Variants in TMEM114 observed in about 807,000 individuals in gnomAD.
TMEM114 encodes the protein claudin-26.
In TMEM114, 6 loss-of-function variants were observed where a neutral mutation model predicts 6.2. The ratio of observed to expected loss-of-function variants is 0.97; its 90% CI spans 0.53 to 1.91. TMEM114 has a LOEUF of 1.91. TMEM114 is among the 40% of genes most tolerant of loss of function. The pLI, the probability that TMEM114 is intolerant of heterozygous loss-of-function variation, is 0.01. For missense variants in TMEM114, 218 were observed against 158.3 expected, an observed-to-expected ratio of 1.38 and a Z score of -2.02; for synonymous variants, 104 against 73.0, an observed-to-expected ratio of 1.42 and a Z score of -2.16.
chr16:8,572,377 G>T, intron 2 of TMEM114, 153 bp from the exon 3 acceptor site: 1 of 800,834 alleles, frequency 1.2e-6, no homozygotes, highest in Non-Finnish European at 2.0e-6. Flanking sequence ...TGATGATGAT[G>T]ATGACCATGA....
chr16:8,537,265 C>T (rs778149042), downstream of TMEM114, among the ~76,000 whole-genome samples: 71 of 152,220 alleles, frequency 4.7e-4, no homozygotes, highest in Non-Finnish European at 7.2e-4. Context: ...CTTTGGGAGG[C>T]CAAGGCCGGC....
intron 2 of TMEM114, among the ~76,000 whole-genome samples, chr16:8,547,699 C>G (rs4786261): frequency 6.6e-6 from 1 of 152,092 alleles, no homozygotes; most frequent in African/African-American, 2.4e-5. Flanking sequence ...CCAGCACGCT[C>G]TCTTTACTGA....
intron 2 of TMEM114, among the ~76,000 whole-genome samples, chr16:8,553,309 C>G (rs1429539412): frequency 6.6e-6 from 1 of 152,142 alleles, no homozygotes; most frequent in Non-Finnish European, 1.5e-5. Flanking sequence ...CACGGGTGGT[C>G]CCTGTGGGTG....
intron 2 of TMEM114, among the ~76,000 whole-genome samples, chr16:8,550,893 G>A (rs1481702024): frequency 6.6e-6 from 1 of 152,140 alleles, no homozygotes; most frequent in African/African-American, 2.4e-5. Flanking sequence ...CTCCTCCTGA[G>A]AGAACCGCAG....
intron 2 of TMEM114, among the ~76,000 whole-genome samples, chr16:8,552,067 A>C (rs576414406): frequency 2.0e-5 from 3 of 152,140 alleles, no homozygotes; most frequent in Admixed American, 6.5e-5. Context: ...AGTGATTTCC[A>C]GGGGTGAAAC....
downstream of TMEM114, among the ~76,000 whole-genome samples, chr16:8,567,667 G>A (rs1207576609): frequency 6.6e-6 from 1 of 152,152 alleles, no homozygotes; most frequent in African/African-American, 2.4e-5. Flanking sequence ...ACTGCCAAAT[G>A]TCAGGTGGGG....
chr16:8,560,579 C>T (rs570837606), intron 2 of TMEM114, among the ~76,000 whole-genome samples: 2 of 152,140 alleles, frequency 1.3e-5, no homozygotes, highest in African/African-American at 2.4e-5. Context: ...GGAGGTAGCC[C>T]GGGATGTCAA....
intron 2 of TMEM114, among the ~76,000 whole-genome samples, chr16:8,578,960 C>G (rs983396190): frequency 6.6e-6 from 1 of 152,064 alleles, no homozygotes; most frequent in Non-Finnish European, 1.5e-5. Context: ...GCCTGGGTGA[C>G]AGGGTGAGAC....
chr16:8,562,155 AG>A (rs1160499824), intron 2 of TMEM114, among the ~76,000 whole-genome samples: 1 of 151,616 alleles, frequency 6.6e-6, no homozygotes, highest in Non-Finnish European at 1.5e-5. Flanking sequence ...TTAGTGAATA[AG>A]TGAGTTAGTG....
At chr16:8,559,332 C>T (rs986605845) in intron 2 of TMEM114, among the ~76,000 whole-genome samples, 1 of 152,232 alleles carries the variant, frequency 6.6e-6, no homozygotes, top group Admixed American at 6.5e-5. Flanking sequence ...CGTGAGCCGC[C>T]GGACCCTGCC....
At chr16:8,553,980 G>C (rs934115551) in intron 2 of TMEM114, among the ~76,000 whole-genome samples, 3 of 151,740 alleles carry the variant, frequency 2.0e-5, no homozygotes, top group African/African-American at 7.3e-5. Flanking sequence ...CCAGGTTCAA[G>C]CGATTCTCAT....
chr16:8,556,420 G>C (rs1480631059), intron 2 of TMEM114, among the ~76,000 whole-genome samples: 1 of 152,202 alleles, frequency 6.6e-6, no homozygotes, highest in Non-Finnish European at 1.5e-5. Context: ...AAATGTTCTA[G>C]AACTAGATGG....
At chr16:8,586,767 C>T (rs1376474307) in intron 2 of TMEM114, among the ~76,000 whole-genome samples, 1 of 152,160 alleles carries the variant, frequency 6.6e-6, no homozygotes, top group African/African-American at 2.4e-5. Context: ...GCCTCAGCCT[C>T]CCAAAGTGCT....
downstream of TMEM114, among the ~76,000 whole-genome samples, chr16:8,534,001 G>C (rs201912622): frequency 2.6e-5 from 4 of 152,292 alleles, no homozygotes; most frequent in East Asian, 5.8e-4. Context: ...GTACCTCTTT[G>C]TGAAGCCTGA....
intron 2 of TMEM114, among the ~76,000 whole-genome samples, chr16:8,573,874 T>C (rs972386639): frequency 2.0e-5 from 3 of 152,176 alleles, no homozygotes; most frequent in Non-Finnish European, 2.9e-5. Flanking sequence ...TGACAGAACA[T>C]GAGCTCTTTG....
chr16:8,527,609 G>A, the TMEM114 span, among the ~76,000 whole-genome samples: 1 of 152,148 alleles, frequency 6.6e-6, no homozygotes, highest in Non-Finnish European at 1.5e-5. Context: ...TTCTGTGCCT[G>A]TACTAAGCCC....
chr16:8,556,745 C>T (rs1009215699), intron 2 of TMEM114, among the ~76,000 whole-genome samples: 1 of 152,162 alleles, frequency 6.6e-6, no homozygotes. Flanking sequence ...TCAGGGGATC[C>T]ACCCGCCTCA....
intron 2 of TMEM114, among the ~76,000 whole-genome samples, chr16:8,538,605 C>T (rs760645129): frequency 1.3e-5 from 2 of 151,892 alleles, no homozygotes; most frequent in Admixed American, 6.6e-5. Flanking sequence ...CATCTTGGGT[C>T]CACGCCATTC....
At chr16:8,550,693 A>C (rs552090670) in intron 2 of TMEM114, among the ~76,000 whole-genome samples, 2 of 124,018 alleles carry the variant, frequency 1.6e-5, no homozygotes, top group East Asian at 4.7e-4. Flanking sequence ...AACAAAAAAA[A>C]AAAAACCAAA....
Sources: gnomAD v4.1 joint callset for allele counts (sites outside exome capture counted in the v4.1 genomes callset) on GRCh38, gnomAD v4.1.1 for gene constraint, MANE v1.5 for transcripts, NCBI Gene and HGNC (gene_info 2026-07-23, HGNC 2026-07-21) for gene names.